The following AKR1C4 variants were observed in gnomAD, a reference collection of about 807,000 sequenced individuals.
The protein encoded by AKR1C4 is 3-alpha-HSD1.
Under a neutral mutation model 41.0 loss-of-function variants are expected in AKR1C4, and 44 were observed. The observed-to-expected ratio is 1.07, with a 90% CI of 0.84 to 1.38. The LOEUF (loss-of-function observed/expected upper bound fraction) is 1.38. Ranked by LOEUF, AKR1C4 falls within the 40% of genes most tolerant of loss-of-function variation. The pLI, the probability that AKR1C4 is intolerant of heterozygous loss-of-function variation, is 0.00. For missense variants in AKR1C4, 438 were observed against 387.9 expected (o/e 1.13, Z -1.09); for synonymous variants, 165 against 137.7 (o/e 1.20, Z -1.39).
At chr10:5,207,585 C>G (rs1003789927) in intron 5 of AKR1C4, 1 of 1,011,450 alleles carries the variant, frequency 9.9e-7, no homozygotes, top group East Asian at 4.9e-5. Flanking sequence ...ACTTGTCTCT[C>G]TCAGAAATTG....
intron 7 of AKR1C4, among the ~76,000 whole-genome samples, chr10:5,215,837 C>T (rs1832648370): frequency 6.6e-6 from 1 of 152,186 alleles, no homozygotes; most frequent in Non-Finnish European, 1.5e-5. Flanking sequence ...CAGACTACCC[C>T]TTATCTTCCC....
intron 2 of AKR1C4, 129 bp downstream of exon 2, chr10:5,200,477 C>G: frequency 7.0e-7 from 1 of 1,421,728 alleles, no homozygotes; most frequent in Non-Finnish European, 9.3e-7. Flanking sequence ...CACACATATT[C>G]AGGTATTAAA....
At chr10:5,198,654 T>C (rs1832350465) in intron 1 of AKR1C4, among the ~76,000 whole-genome samples, 1 of 152,206 alleles carries the variant, frequency 6.6e-6, no homozygotes. Context: ...ACTTACACCG[T>C]ATTCTTACCA....
chr10:5,213,705 T>C (rs1002371846), intron 7 of AKR1C4, among the ~76,000 whole-genome samples: 6 of 152,146 alleles, frequency 3.9e-5, no homozygotes, highest in Admixed American at 2.0e-4. Flanking sequence ...AATTCCATGG[T>C]TTGAAGTTTA....
At position 5,216,810 on chromosome 10, in the gene AKR1C4, A is replaced by C. The variant is rs1554798566; in HGVS notation, c.929+17A>C. ...CATGGATTTGTAAGTAACTTTGGAA[A>C]ATGGGTTTCCCAGTTTATTTTTAGA... On this transcript the variant is annotated intron_variant, in intron 8 of 8. Transcript: ENST00000263126. 6.3e-7 allele frequency: 1 copy of C among 1,576,422 alleles called. No homozygotes were observed. The highest frequency in any genetic ancestry group is 8.7e-7 in the Non-Finnish European group (1 of 1,149,374).
intron 7 of AKR1C4, among the ~76,000 whole-genome samples, chr10:5,216,120 CAG>C (rs1832652628): frequency 6.6e-6 from 1 of 151,936 alleles, no homozygotes; most frequent in Non-Finnish European, 1.5e-5. Flanking sequence ...TAGAAGGTGA[CAG>C]AGGAGGAAAC....
At chr10:5,218,193 A>T in intron 8 of AKR1C4, among the ~76,000 whole-genome samples, 1 of 152,174 alleles carries the variant, frequency 6.6e-6, no homozygotes. Flanking sequence ...TGAATATGGA[A>T]CCCCATATCA....
At chr10:5,215,536 A>G (rs1014095451) in intron 7 of AKR1C4, among the ~76,000 whole-genome samples, 64 of 152,322 alleles carry the variant, frequency 4.2e-4, no homozygotes, top group African/African-American at 1.3e-3. Flanking sequence ...CTTTGCACCC[A>G]TACCTGATCA....
rs1588344671 is a variant in AKR1C4 at position 5,216,731 on chromosome 10, A to G, written c.867A>G (p.Thr289=). ...GGTAGGTTTTTGAATTCCAGTTGACATCAGAGGATATGAAAGTTCTAGATG... is the reference window on the plus strand; with the variant it reads ...GGTAGGTTTTTGAATTCCAGTTGACGTCAGAGGATATGAAAGTTCTAGATG... ...ENIQVFEFQL[T]SEDMKVLDGL... Residue 289 remains threonine, a synonymous_variant, in exon 8 of 9, where the codon ACA becomes ACG. Transcript: ENST00000263126. 1.9e-6 allele frequency: 3 copies of G among 1,611,926 alleles called. No individual in the cohort carries two copies. The highest frequency in any genetic ancestry group is 2.5e-6 in the Non-Finnish European group (3 of 1,178,598).
At chr10:5,206,216 A>G in intron 4 of AKR1C4, 59 bp from the exon 5 acceptor site, 1 of 1,611,548 alleles carries the variant, frequency 6.2e-7, no homozygotes, top group South Asian at 1.1e-5. Flanking sequence ...TCTGTCTTGC[A>G]TTTATCATAA....
chr10:5,205,706 T>C lies in AKR1C4; in HGVS notation c.370-51T>C, dbSNP rs2132129925. ...CCTAAAATGTACATGGGAGCATGCC[T>C]ATGGGTGGAAAAGTTAAATGGTGAC... On this transcript the variant is annotated intron_variant, in intron 3 of 8. Coordinates refer to ENST00000263126, the MANE Select transcript of AKR1C4 (RefSeq NM_001818.5). The C allele has an allele frequency of 2.6e-6, 4 of 1,511,840 alleles. No homozygotes were observed. In the South Asian group the frequency reaches 4.6e-5, roughly 17 times the overall value. 93.7% of individuals were successfully genotyped at this position (1,511,840 alleles called of 1,614,324 possible).
chr10:5,199,101 T>TC (rs1389118480), intron 1 of AKR1C4, among the ~76,000 whole-genome samples: 14 of 152,184 alleles, frequency 9.2e-5, no homozygotes, highest in African/African-American at 3.4e-4. Context: ...GTTGGGAAAC[T>TC]CCATGCTAGT....
chr10:5,205,900 T>C, intron 4 of AKR1C4, 66 bp downstream of exon 4: 1 of 1,463,544 alleles, frequency 6.8e-7, no homozygotes, highest in Non-Finnish European at 9.4e-7. Context: ...TCCCCAGCTT[T>C]CATATGCAAC....
At chr10:5,202,569 T>A (rs1488354149) in intron 2 of AKR1C4, 1 of 407,676 alleles carries the variant, frequency 2.5e-6, no homozygotes, top group Admixed American at 2.7e-5. Context: ...AAATTGGGCA[T>A]CCTTGTCTTA....
intron 5 of AKR1C4, among the ~76,000 whole-genome samples, chr10:5,210,137 C>G (rs1320545455): frequency 1.3e-5 from 2 of 152,140 alleles, no homozygotes; most frequent in African/African-American, 4.8e-5. Flanking sequence ...GGCTACATGA[C>G]CCATGCAAGT....
chr10:5,217,699 T>G (rs2065661), intron 8 of AKR1C4, among the ~76,000 whole-genome samples: 147,905 of 152,350 alleles, frequency 0.97, 71,958 homozygotes, highest in Middle Eastern at 1. Flanking sequence ...AGCAGAGGTT[T>G]CAGTGAGCCA....
Position 5,216,767 on chromosome 10 carries a change from A to T in AKR1C4, c.903A>T (p.Arg301Ser). 3 of 1,611,900 alleles carry T rather than the reference A, an allele frequency of 1.9e-6. No homozygotes were observed. Among genetic ancestry groups the T allele is most frequent in the South Asian group, 2.2e-5 (2 of 90,600 alleles). ...EDMKVLDGLN[R>S]NYRYVVMDFL... ...TGAAAGTTCTAGATGGTCTAAACAGAAATTATCGATATGTTGTCATGGATT... is the reference window on the plus strand; with the variant it reads ...TGAAAGTTCTAGATGGTCTAAACAGTAATTATCGATATGTTGTCATGGATT... Residue 301 changes from arginine (R) to serine (S), a missense_variant, in exon 8 of 9, where the codon AGA becomes AGT. Arg to Ser is a moderately radical substitution (Grantham distance 110, BLOSUM62 -1). Transcript: ENST00000263126.
chr10:5,209,386 A>G (rs938523117), intron 5 of AKR1C4, among the ~76,000 whole-genome samples: 2 of 152,164 alleles, frequency 1.3e-5, no homozygotes, highest in African/African-American at 2.4e-5. Flanking sequence ...AAGTTTTACT[A>G]TTCTTTACGT....
rs1477383427 is a variant in AKR1C4, at chr10:5,196,873, T to TC, written c.9dup (p.Lys4GlnfsTer9). 6.2e-7 allele frequency: 1 copy of TC among 1,613,970 alleles called. No individual in the cohort carries two copies. The highest frequency in any genetic ancestry group is 8.5e-7 in the Non-Finnish European group (1 of 1,179,954). On this transcript the variant is annotated frameshift_variant, in exon 1 of 9. Transcript: ENST00000263126. LOFTEE classifies it high-confidence loss of function. The stretch of plus-strand genomic sequence containing the variant: ...AGTGAAAGAAGTGGCAAGCAATGGA[T>TC]CCCAAATATCAGCGTGTAGAGCTAA...
Sources: gnomAD v4.1 joint callset for allele counts (sites outside exome capture counted in the v4.1 genomes callset) on GRCh38, gnomAD v4.1.1 for gene constraint, MANE v1.5 for transcripts, NCBI Gene and HGNC (gene_info 2026-07-23, HGNC 2026-07-21) for gene names.